Variants in TXLNB observed in about 807,000 individuals in gnomAD.
The protein encoded by TXLNB is taxilin beta.
Under a neutral mutation model 57.4 loss-of-function variants are expected in TXLNB, and 37 were observed. The observed-to-expected ratio is 0.64, with a 90% CI of 0.50 to 0.85. TXLNB has a LOEUF of 0.85. TXLNB is among the 40% of genes least tolerant of loss of function. The pLI is 0.00. For synonymous variants in TXLNB, 302 were observed against 309.6 expected (o/e 0.98, Z 0.26); for missense variants, 848 against 825.6 (o/e 1.03, Z -0.33).
intron 4 of TXLNB, 118 bp from the exon 5 acceptor site, chr6:139,262,891 C>G: frequency 9.9e-7 from 1 of 1,007,808 alleles, no homozygotes; most frequent in Non-Finnish European, 1.4e-6. Context: ...TCTCAGTTCT[C>G]TAGAGCTAAA....
rs201525197 is a variant in TXLNB at position 139,242,669 on chromosome 6, C to T, written c.1912G>A (p.Glu638Lys). Residue 638 changes from glutamate (E) to lysine (K), a missense_variant, in exon 10 of 10, where the codon GAA becomes AAA. Physicochemically the swap from Glu to Lys is moderately conservative, Grantham distance 56. Coordinates refer to ENST00000358430, the MANE Select transcript of TXLNB (RefSeq NM_153235.4). ...ADVPAPACAA[E>K]EHVAAMVPAC... Reference sequence around the variant, plus strand: ...GGCACCATGGCTGCAACGTGCTCTTCTGCTGCGCATGCTGGAGCAGGCACA... The same window carrying T: ...GGCACCATGGCTGCAACGTGCTCTTTTGCTGCGCATGCTGGAGCAGGCACA... 41 of 1,611,286 alleles carry T rather than the reference C, an allele frequency of 2.5e-5. No individual in the cohort carries two copies. The East Asian group carries it at 8.9e-4, about 35-fold the overall frequency.
intron 5 of TXLNB, among the ~76,000 whole-genome samples, chr6:139,262,151 C>T (rs1380864127): frequency 6.6e-6 from 1 of 152,110 alleles, no homozygotes; most frequent in East Asian, 1.9e-4. Flanking sequence ...CTTAATCCAC[C>T]TGCCTTGGCC....
At chr6:139,196,364 G>GTTTTTTTTTTTTTTTTT in the TXLNB span, among the ~76,000 whole-genome samples, 6 of 86,770 alleles carry the variant, frequency 6.9e-5, 2 homozygotes, top group African/African-American at 4.6e-5. Flanking sequence ...CTCCAGATCT[G>GTTTTTTTTTTTTTTTTT]GTTTTTTTTT....
the TXLNB span, chr6:139,176,795 A>G: frequency 1.7e-6 from 1 of 590,908 alleles, no homozygotes; most frequent in East Asian, 2.8e-5. This position sits in a 1 kb window ranked among gnomAD's most constrained non-coding sequence, Gnocchi z 4.5. Context: ...GGAGTCTTTC[A>G]GGTATACCCC....
At chr6:139,230,767 G>C in the TXLNB span, among the ~76,000 whole-genome samples, 2 of 152,126 alleles carry the variant, frequency 1.3e-5, no homozygotes, top group Admixed American at 1.3e-4. Flanking sequence ...TTGTTCAGAA[G>C]CCAAAAAAAG....
At chr6:139,281,355 T>G (rs1463100904) in intron 2 of TXLNB, among the ~76,000 whole-genome samples, 1 of 152,202 alleles carries the variant, frequency 6.6e-6, no homozygotes, top group Non-Finnish European at 1.5e-5. Context: ...GTCAGGGTTT[T>G]CATTTGCTTG....
At chr6:139,216,048 T>C in the TXLNB span, among the ~76,000 whole-genome samples, 1 of 152,108 alleles carries the variant, frequency 6.6e-6, no homozygotes, top group Non-Finnish European at 1.5e-5. Context: ...AGTTCAACCA[T>C]TGTGGAAGTC....
At chr6:139,312,884 C>G in the TXLNB span, among the ~76,000 whole-genome samples, 1 of 152,140 alleles carries the variant, frequency 6.6e-6, no homozygotes, top group Non-Finnish European at 1.5e-5. Context: ...ATCTGCACAA[C>G]AAATCTTACC....
the TXLNB span, among the ~76,000 whole-genome samples, chr6:139,193,661 T>A: frequency 6.7e-6 from 1 of 148,806 alleles, no homozygotes; most frequent in Non-Finnish European, 1.5e-5. Context: ...CTTCTCACTT[T>A]TTTTTTTTTT....
rs1452638234 is a variant in TXLNB, at chr6:139,260,402, C to G, written c.918G>C (p.Gln306His). The change falls in exon 6 of 10, where the codon CAG becomes CAC. Residue 306 changes from glutamine to histidine, a missense_variant. By Grantham distance (24) the Gln-to-His change is conservative. Coordinates refer to ENST00000358430, the MANE Select transcript of TXLNB (RefSeq NM_153235.4). ...LDKIFKHREL[Q>H]QKLVDAKLEQ... ...CAAGCTTTGCATCCACCAGCTTCTG[C>G]TGCAGTTCTCTGTGTTTAAATATTT... 6.2e-7 allele frequency: 1 copy of G among 1,614,108 alleles called. No homozygotes were observed. Among genetic ancestry groups the G allele is most frequent in the South Asian group, 1.1e-5 (1 of 91,076 alleles).
chr6:139,278,978 C>CA (rs1269029642), intron 2 of TXLNB, among the ~76,000 whole-genome samples: 1 of 152,000 alleles, frequency 6.6e-6, no homozygotes, highest in Non-Finnish European at 1.5e-5. Flanking sequence ...CACTCCACTG[C>CA]AAAAAACAAA....
the TXLNB span, among the ~76,000 whole-genome samples, chr6:139,161,558 A>G: frequency 3.3e-5 from 5 of 152,216 alleles, no homozygotes; most frequent in African/African-American, 1.2e-4. Context: ...CCTGGCATGT[A>G]GGAAGTGCTC....
chr6:139,201,401 A>C, the TXLNB span, among the ~76,000 whole-genome samples: 4 of 152,234 alleles, frequency 2.6e-5, no homozygotes, highest in Admixed American at 2.0e-4. Context: ...CAAATAGGCC[A>C]GTGTTAGCTG....
intron 6 of TXLNB, among the ~76,000 whole-genome samples, chr6:139,257,051 T>A (rs773551295): frequency 6.6e-6 from 1 of 152,218 alleles, no homozygotes; most frequent in Non-Finnish European, 1.5e-5. Context: ...AATGCCTATT[T>A]ATCAATTTTG....
chr6:139,279,848 C>T (rs935254876), intron 2 of TXLNB, among the ~76,000 whole-genome samples: 4 of 152,164 alleles, frequency 2.6e-5, no homozygotes, highest in Admixed American at 6.5e-5. Context: ...CACCACACTG[C>T]GAAATGCTCA....
At chr6:139,202,223 A>G in the TXLNB span, among the ~76,000 whole-genome samples, 3 of 152,224 alleles carry the variant, frequency 2.0e-5, no homozygotes, top group African/African-American at 7.2e-5. Flanking sequence ...GAACCATTTC[A>G]GTGATGCAAA....
At chr6:139,203,992 C>T in the TXLNB span, among the ~76,000 whole-genome samples, 2 of 152,134 alleles carry the variant, frequency 1.3e-5, no homozygotes, top group Non-Finnish European at 2.9e-5. Context: ...ACTTCAAGTG[C>T]ATCTCTCTAT....
At chr6:139,188,514 A>AT in the TXLNB span, among the ~76,000 whole-genome samples, 1 of 152,224 alleles carries the variant, frequency 6.6e-6, no homozygotes, top group Non-Finnish European at 1.5e-5. Flanking sequence ...AGTGTAGATT[A>AT]TTTTTAAAAA....
chr6:139,266,491 G>C (rs1325474274), intron 4 of TXLNB, among the ~76,000 whole-genome samples: 1 of 152,126 alleles, frequency 6.6e-6, no homozygotes, highest in Non-Finnish European at 1.5e-5. Context: ...ATGAAAATGA[G>C]AGAGAAAAGA....
Sources: gnomAD v4.1 joint callset for allele counts (sites outside exome capture counted in the v4.1 genomes callset) on GRCh38, gnomAD v4.1.1 for gene constraint, Gnocchi (gnomAD v3.1) non-coding constraint, MANE v1.5 for transcripts, NCBI Gene and HGNC (gene_info 2026-07-23, HGNC 2026-07-21) for gene names.